Variants in KIF2C observed in about 807,000 individuals in gnomAD.
KIF2C encodes kinesin family member 2C.
KIF2C carries 34 observed loss-of-function variants against 97.4 expected under a neutral mutation model. The ratio of observed to expected loss-of-function variants is 0.35; its 90% CI spans 0.27 to 0.46. The LOEUF is 0.46. Among genes scored for constraint, KIF2C ranks in the 20% least tolerant of loss-of-function variants. The probability of loss-of-function intolerance (pLI) is 1.00; values close to 1 mark genes in which losing one functional copy is unlikely to be tolerated. For synonymous variants in KIF2C, 313 were observed against 318.2 expected (o/e 0.98, Z 0.17); for missense variants, 750 against 907.6 (o/e 0.83, Z 2.23).
intron 2 of KIF2C, among the ~76,000 whole-genome samples, chr1:44,743,559 C>T (rs1375647056): frequency 1.3e-5 from 2 of 152,138 alleles, no homozygotes; most frequent in Non-Finnish European, 2.9e-5. Flanking sequence ...GAGGCTGAGG[C>T]AGGAGGACCT....
chr1:44,755,861 TG>T, intron 8 of KIF2C, 67 bp from the exon 9 acceptor site: 1 of 1,506,544 alleles, frequency 6.6e-7, no homozygotes, highest in Non-Finnish European at 9.2e-7. Flanking sequence ...GTGGGAGTTC[TG>T]GACAAGCTCG....
At chr1:44,750,603 C>T (rs757352698) in intron 5 of KIF2C, 39 bp downstream of exon 5, 5 of 1,458,786 alleles carry the variant, frequency 3.4e-6, no homozygotes, top group Non-Finnish European at 4.6e-6. Flanking sequence ...ATGTTTGAGG[C>T]CCTGGAGCAC....
At position 44,758,469 on chromosome 1, in the gene KIF2C, C is replaced by T. The variant is rs150491506; in HGVS notation, c.1224+329C>T. Among the ~76,000 whole-genome samples, 149 of 152,262 alleles carry T rather than the reference C, an allele frequency of 9.8e-4. 1 individual carries two copies. The East Asian group carries it at 0.019, about 20-fold the overall frequency. On this transcript the variant is annotated intron_variant, in intron 13 of 20. Coordinates refer to ENST00000372224, the MANE Select transcript of KIF2C (RefSeq NM_006845.4). ...GTCTCATATTCATTCTTTCCCTGCCCGCACCACCATATATCTCTTCCACCC... is the reference window on the plus strand; with the variant it reads ...GTCTCATATTCATTCTTTCCCTGCCTGCACCACCATATATCTCTTCCACCC...
intron 14 of KIF2C, 89 bp downstream of exon 14, chr1:44,759,437 A>G: frequency 1.3e-6 from 2 of 1,535,192 alleles, no homozygotes; most frequent in Non-Finnish European, 1.8e-6. Context: ...GTTTACCCAG[A>G]GTGCTGCTTT....
rs1448758213 is a variant in KIF2C, at chr1:44,741,123, C to CTT, written c.165+117_165+118insTT. The stretch of plus-strand genomic sequence containing the variant: ...GATGCTGTGCTCTTCTCACTCACGC[C>CTT]TGTAATCCCAGAACTTTGGGAGGCT... On this transcript the variant is annotated intron_variant, in intron 2 of 20. Transcript: ENST00000372224. 13 of 745,030 alleles carry CTT rather than the reference C, an allele frequency of 1.7e-5. No homozygotes were observed. The Middle Eastern group carries it at 2.0e-3, about 115-fold the overall frequency. 46.2% of individuals were successfully genotyped at this position (745,030 alleles called of 1,614,324 possible). A position where few individuals can be genotyped will look rare whatever the true frequency, so the allele number is the denominator to read the frequency against.
At position 44,757,981 on chromosome 1, in the gene KIF2C, G is replaced by A; in HGVS notation, c.1132+10G>A. ...ATCTATGCCATGGCCTGTAAGTACT[G>A]TGTACTGCTGCTTCAGGGTTGGGCA... On this transcript the variant is annotated intron_variant, in intron 12 of 20. Coordinates refer to ENST00000372224, the MANE Select transcript of KIF2C (RefSeq NM_006845.4). 2 of 1,614,156 alleles carry A rather than the reference G, an allele frequency of 1.2e-6. No homozygotes were observed. The highest frequency in any genetic ancestry group is 1.7e-6 in the Non-Finnish European group (2 of 1,179,990).
chr1:44,753,709 TC>T, intron 6 of KIF2C, 23 bp from the exon 7 acceptor site: 1 of 1,511,026 alleles, frequency 6.6e-7, no homozygotes, highest in Non-Finnish European at 9.0e-7. Context: ...CCTTTTTTTT[TC>T]TTTTTTTTTT....
At chr1:44,756,449 T>C (rs1275604367) in intron 10 of KIF2C, among the ~76,000 whole-genome samples, 1 of 151,670 alleles carries the variant, frequency 6.6e-6, no homozygotes, top group Admixed American at 6.6e-5. Flanking sequence ...GAGGCAGGGC[T>C]GGCCAGGCTC....
At chr1:44,763,251 C>A (rs113324878) in intron 19 of KIF2C, among the ~76,000 whole-genome samples, 1 of 152,136 alleles carries the variant, frequency 6.6e-6, no homozygotes, top group East Asian at 1.9e-4. Context: ...CTACTGTAAT[C>A]CCTACTGTGG....
rs1649807497 is a variant in KIF2C, at chr1:44,755,977, A to G, written c.808A>G (p.Lys270Glu). 3 of 1,614,094 alleles carry G rather than the reference A, an allele frequency of 1.9e-6. No individual in the cohort carries two copies. The highest frequency in any genetic ancestry group is 2.5e-6 in the Non-Finnish European group (3 of 1,180,044). ...CVCVRKRPLN[K>E]QELAKKEIDV... is the part of the protein sequence containing the mutation. ...CTGTGTTAGGAAACGCCCACTGAAT[A>G]AGCAAGGTAAGTCCTGTTCAGTCAG... The change falls in exon 9 of 21, where the codon AAG becomes GAG. Residue 270 changes from lysine to glutamate, a missense_variant. Lys to Glu is a moderately conservative substitution (Grantham distance 56). Transcript: ENST00000372224.
chr1:44,745,183 C>G (rs1649119936), intron 2 of KIF2C, among the ~76,000 whole-genome samples: 1 of 149,664 alleles, frequency 6.7e-6, no homozygotes, highest in Non-Finnish European at 1.5e-5. Flanking sequence ...GAGTGAAACT[C>G]CATCTCAAAA....
At chr1:44,751,187 A>AT (rs950909739) in intron 5 of KIF2C, among the ~76,000 whole-genome samples, 1 of 150,512 alleles carries the variant, frequency 6.6e-6, no homozygotes, top group Non-Finnish European at 1.5e-5. Context: ...TCTGTATTTT[A>AT]TTATTTATTT....
intron 4 of KIF2C, among the ~76,000 whole-genome samples, 173 bp downstream of exon 4, chr1:44,747,873 C>T (rs780587493): frequency 6.6e-6 from 1 of 152,236 alleles, no homozygotes; most frequent in Non-Finnish European, 1.5e-5. Flanking sequence ...AGCTATCAGG[C>T]CAACCTTTAA....
intron 2 of KIF2C, among the ~76,000 whole-genome samples, chr1:44,745,427 T>G (rs1649134038): frequency 6.8e-6 from 1 of 147,448 alleles, no homozygotes; most frequent in African/African-American, 2.5e-5. Flanking sequence ...TAATCCCCAT[T>G]AGAAATTGAG....
intron 8 of KIF2C, among the ~76,000 whole-genome samples, chr1:44,755,726 G>C (rs142856729): frequency 3.0e-4 from 45 of 152,356 alleles, no homozygotes; most frequent in Non-Finnish European, 6.0e-4. Context: ...GTAGGCAGCA[G>C]AGTGAGAAAA....
At chr1:44,748,834 AC>A (rs1319673376) in intron 4 of KIF2C, among the ~76,000 whole-genome samples, 2 of 150,134 alleles carry the variant, frequency 1.3e-5, no homozygotes, top group Non-Finnish European at 2.9e-5. Context: ...GGCGCGAGCC[AC>A]CATGCCCAGC....
chr1:44,758,265 T>G, intron 13 of KIF2C, 125 bp downstream of exon 13: 3 of 772,630 alleles, frequency 3.9e-6, no homozygotes, highest in Non-Finnish European at 6.5e-6. Context: ...TGATGGGCCA[T>G]TCTGCCCTGG....
chr1:44,752,204 T>A (rs1244617734), intron 5 of KIF2C, among the ~76,000 whole-genome samples: 1 of 147,102 alleles, frequency 6.8e-6, no homozygotes, highest in Non-Finnish European at 1.5e-5. Flanking sequence ...AGTGCTGCGA[T>A]CTCGGCTCAC....
In KIF2C at chr1:44,767,253, C is replaced by A; in HGVS notation, c.*74C>A. 1 of 1,353,332 alleles carries A rather than the reference C, an allele frequency of 7.4e-7. No homozygotes were observed. The highest frequency in any genetic ancestry group is 1.1e-6 in the Non-Finnish European group (1 of 950,442). The allele number at this position is 1,353,332 out of a possible 1,614,324, so 83.8% of individuals were successfully genotyped here. A position where few individuals can be genotyped will look rare whatever the true frequency, so the allele number is the denominator to read the frequency against. ...GCCCTCCCCAGAGAACTTTGGGTAC[C>A]TGGTGGGTCTAGGCAGGGTCTGAGC... On this transcript the variant is annotated 3_prime_UTR_variant, in exon 21 of 21. Transcript: ENST00000372224.
Sources: gnomAD v4.1 joint callset for allele counts (sites outside exome capture counted in the v4.1 genomes callset) on GRCh38, gnomAD v4.1.1 for gene constraint, MANE v1.5 for transcripts, NCBI Gene and HGNC (gene_info 2026-07-23, HGNC 2026-07-21) for gene names.